DLGAP2: variants seen among roughly 807,000 people sequenced by gnomAD.
DLGAP2 encodes DLG associated protein 2, also known as disks large-associated protein 2.
Under a neutral mutation model 100.3 loss-of-function variants are expected in DLGAP2, and 26 were observed. The ratio of observed to expected loss-of-function variants is 0.26; its 90% CI spans 0.19 to 0.36. DLGAP2 has a LOEUF of 0.36. DLGAP2 is among the 10% of genes least tolerant of loss of function. The probability of loss-of-function intolerance (pLI) is 1.00; values close to 1 mark genes in which losing one functional copy is unlikely to be tolerated. For missense variants in DLGAP2, 1,858 were observed against 1,453.2 expected (o/e 1.28, Z -4.53); for synonymous variants, 886 against 630.1 (o/e 1.41, Z -6.08).
intron 2 of DLGAP2, among the ~76,000 whole-genome samples, chr8:1,174,347 A>G (rs73184518): frequency 0.16 from 24,325 of 151,632 alleles, 2,405 homozygotes; most frequent in Admixed American, 0.25. Flanking sequence ...CATTACCACC[A>G]TCATTACCAT....
chr8:965,765 T>A (rs1378236360), intron 2 of DLGAP2, among the ~76,000 whole-genome samples: 1 of 92,876 alleles, frequency 1.1e-5, no homozygotes, highest in African/African-American at 4.1e-5. Flanking sequence ...GTCTGACCCC[T>A]GCGCTGCACA....
At chr8:857,431 C>T (rs953310872) in intron 1 of DLGAP2, among the ~76,000 whole-genome samples, 3 of 152,182 alleles carry the variant, frequency 2.0e-5, no homozygotes, top group African/African-American at 7.2e-5. Flanking sequence ...TTGCAAAACA[C>T]ACACCTGATG....
chr8:1,334,423 G>A (rs1198604340), intron 3 of DLGAP2, among the ~76,000 whole-genome samples: 1 of 152,160 alleles, frequency 6.6e-6, no homozygotes, highest in Non-Finnish European at 1.5e-5. Flanking sequence ...AGGAGTCGGT[G>A]AATTTTCTGT....
chr8:1,273,436 A>G (rs1267467600), intron 3 of DLGAP2, among the ~76,000 whole-genome samples: 2 of 152,176 alleles, frequency 1.3e-5, no homozygotes, highest in African/African-American at 2.4e-5. Flanking sequence ...CAGGGGGTCA[A>G]TGTGCCTTTA....
At chr8:1,157,790 G>C (rs1049174427) in intron 2 of DLGAP2, among the ~76,000 whole-genome samples, 3 of 152,200 alleles carry the variant, frequency 2.0e-5, no homozygotes, top group Non-Finnish European at 4.4e-5. Flanking sequence ...TTCAACACAA[G>C]GTCATCCTGG....
intron 3 of DLGAP2, among the ~76,000 whole-genome samples, chr8:1,463,954 G>T (rs551429336): frequency 6.6e-6 from 1 of 152,320 alleles, no homozygotes; most frequent in African/African-American, 2.4e-5. Flanking sequence ...GAGGGAAGAG[G>T]AAAAATATCA....
intron 3 of DLGAP2, among the ~76,000 whole-genome samples, chr8:1,499,735 C>G (rs1005312414): frequency 6.6e-6 from 1 of 152,210 alleles, no homozygotes; most frequent in Non-Finnish European, 1.5e-5. Context: ...AAAGCTGTAA[C>G]TGGGAGATCC....
intron 3 of DLGAP2, among the ~76,000 whole-genome samples, chr8:1,447,030 G>A (rs529295748): frequency 2.1e-4 from 32 of 152,210 alleles, no homozygotes; most frequent in Admixed American, 3.3e-4. Flanking sequence ...CAATGATGTC[G>A]TCTGCAAAGA....
chr8:1,386,800 A>G (rs971479350), intron 3 of DLGAP2, among the ~76,000 whole-genome samples: 1 of 152,124 alleles, frequency 6.6e-6, no homozygotes, highest in African/African-American at 2.4e-5. Flanking sequence ...GAAAAAAAGG[A>G]TTGATTTTTG....
chr8:1,045,898 G>T (rs900297765), intron 2 of DLGAP2, among the ~76,000 whole-genome samples: 2 of 152,150 alleles, frequency 1.3e-5, no homozygotes, highest in Non-Finnish European at 2.9e-5. Flanking sequence ...TTGGAATGTT[G>T]ACTCCCAGAC....
chr8:1,613,993 G>C (rs954351005), intron 6 of DLGAP2, among the ~76,000 whole-genome samples: 1 of 152,128 alleles, frequency 6.6e-6, no homozygotes, highest in African/African-American at 2.4e-5. Context: ...TTTGCAATGC[G>C]TGACCTGACA....
At chr8:1,300,243 G>T (rs1169410583) in intron 3 of DLGAP2, 2 of 151,388 alleles carry the variant, frequency 1.3e-5, no homozygotes, top group Non-Finnish European at 3.0e-5. Context: ...TGTACAATGT[G>T]TAGATGCACT....
intron 3 of DLGAP2, among the ~76,000 whole-genome samples, chr8:1,316,105 C>G (rs1261220952): frequency 7.6e-6 from 1 of 131,982 alleles, no homozygotes; most frequent in Non-Finnish European, 1.6e-5. Context: ...ACTCGAGACA[C>G]TCGGCAGCTT....
At position 1,518,845 on chromosome 8, in the gene DLGAP2, A is replaced by G. The variant is rs542786979; in HGVS notation, c.172+17414A>G. ...TGGAAATGATTGTATGTGTGTGCAC[A>G]TCAGCATTCAGTGGATACTGAGCGG... On this transcript the variant is annotated intron_variant, in intron 4 of 14. Transcript: ENST00000637795. Among the ~76,000 whole-genome samples, 100 of 152,336 alleles carry G rather than the reference A, an allele frequency of 6.6e-4. 1 individual carries two copies. The Middle Eastern group carries it at 0.01, about 16-fold the overall frequency.
At position 1,537,722 on chromosome 8, in the gene DLGAP2, A is replaced by AAAGG. The variant is rs1304358970; in HGVS notation, c.173-10902_173-10899dup. ...AGATGGAAGGATGGATGGATGGATG[A>AAAGG]AAGGATGGAAGGAAGGAAGGAAGGA... On this transcript the variant is annotated intron_variant, in intron 4 of 14. Transcript: ENST00000637795. 8.4e-4 allele frequency among the ~76,000 whole-genome samples: 102 copies of AAAGG among 121,440 alleles called. 1 individual carries two copies. The highest frequency in any genetic ancestry group is 3.1e-3 in the African/African-American group (98 of 32,042). 79.7% of individuals were successfully genotyped at this position (121,440 alleles called of 152,430 possible). A position where few individuals can be genotyped will look rare whatever the true frequency, so the allele number is the denominator to read the frequency against.
intron 8 of DLGAP2, among the ~76,000 whole-genome samples, chr8:1,654,660 T>C (rs1224754931): frequency 2.4e-5 from 2 of 81,972 alleles, no homozygotes; most frequent in South Asian, 7.7e-4. Flanking sequence ...AAACTCCGTC[T>C]CAAAAAAAAA....
intron 3 of DLGAP2, among the ~76,000 whole-genome samples, chr8:1,275,853 ATAAT>A (rs1313950174): frequency 1.9e-4 from 23 of 122,832 alleles, no homozygotes; most frequent in African/African-American, 6.1e-4. Flanking sequence ...ATAAATATAT[ATAAT>A]ATATAAATAT....
intron 1 of DLGAP2, among the ~76,000 whole-genome samples, chr8:770,646 T>C (rs1367204302): frequency 6.6e-6 from 1 of 152,142 alleles, no homozygotes; most frequent in Non-Finnish European, 1.5e-5. Context: ...GAAGATTCGG[T>C]GGCGTCTCTC....
intron 2 of DLGAP2, among the ~76,000 whole-genome samples, chr8:1,041,636 C>T (rs1317252564): frequency 1.0e-5 from 1 of 96,272 alleles, no homozygotes; most frequent in Non-Finnish European, 2.1e-5. Flanking sequence ...TGAGTGTTCT[C>T]CGAGCCCCTT....
Sources: allele counts gnomAD v4.1 joint callset (sites outside exome capture counted in the v4.1 genomes callset), GRCh38; gene constraint gnomAD v4.1.1; transcripts MANE v1.5; gene names NCBI Gene and HGNC (gene_info 2026-07-23, HGNC 2026-07-21).